AGBL4: variants seen among roughly 807,000 people sequenced by gnomAD.
The protein encoded by AGBL4 is AGBL carboxypeptidase 4.
In AGBL4, 58 loss-of-function variants were observed where a neutral mutation model predicts 66.4. The ratio of observed to expected loss-of-function variants is 0.87; its 90% CI spans 0.71 to 1.09. The LOEUF is 1.09. Among genes scored for constraint, AGBL4 ranks in the 50% least tolerant of loss-of-function variants. The pLI is 0.00. For missense variants in AGBL4, 579 were observed against 631.0 expected, an observed-to-expected ratio of 0.92 and a Z score of 0.88; for synonymous variants, 234 against 222.9, an observed-to-expected ratio of 1.05 and a Z score of -0.44.
intron 2 of AGBL4, among the ~76,000 whole-genome samples, chr1:49,810,599 G>GA (rs934768726): frequency 1.3e-5 from 2 of 151,752 alleles, no homozygotes; most frequent in Non-Finnish European, 2.9e-5. Context: ...GAATAATGAA[G>GA]AAAAAACAGC....
intron 3 of AGBL4, among the ~76,000 whole-genome samples, chr1:49,266,763 TG>T (rs1362452714): frequency 6.6e-6 from 1 of 151,960 alleles, no homozygotes; most frequent in Non-Finnish European, 1.5e-5. Flanking sequence ...AAAGGCTAAG[TG>T]GTAATTCTGG....
intron 3 of AGBL4, among the ~76,000 whole-genome samples, chr1:49,350,101 T>C (rs1340620651): frequency 6.6e-6 from 1 of 152,222 alleles, no homozygotes; most frequent in Admixed American, 6.5e-5. Flanking sequence ...ATTTGTTTTG[T>C]TTACTGATAT....
intron 3 of AGBL4, among the ~76,000 whole-genome samples, chr1:49,361,395 G>C (rs1404397063): frequency 6.6e-6 from 1 of 152,052 alleles, no homozygotes; most frequent in Non-Finnish European, 1.5e-5. Context: ...GGCACGATCT[G>C]GCTCACTGCA....
chr1:48,590,296 C>T (rs1400944046), intron 10 of AGBL4, among the ~76,000 whole-genome samples: 1 of 151,766 alleles, frequency 6.6e-6, no homozygotes, highest in Non-Finnish European at 1.5e-5. Context: ...ATCCCAGCTA[C>T]TCGGGAGGCT....
chr1:49,402,695 G>A (rs1645112562), intron 3 of AGBL4, among the ~76,000 whole-genome samples: 2 of 151,788 alleles, frequency 1.3e-5, no homozygotes, highest in Non-Finnish European at 2.9e-5. Context: ...AGCCTCCTGA[G>A]TAGCTGGGAT....
chr1:48,555,782 C>A (rs1218854172), intron 11 of AGBL4, among the ~76,000 whole-genome samples: 1 of 152,120 alleles, frequency 6.6e-6, no homozygotes, highest in African/African-American at 2.4e-5. Context: ...TGAGCTCAGG[C>A]ACTCTCAGGG....
intron 5 of AGBL4, among the ~76,000 whole-genome samples, chr1:49,038,647 G>A (rs1360227202): frequency 6.6e-6 from 1 of 152,016 alleles, no homozygotes; most frequent in Non-Finnish European, 1.5e-5. Flanking sequence ...AAACAACAAT[G>A]AGATACAGTA....
intron 3 of AGBL4, among the ~76,000 whole-genome samples, chr1:49,613,510 C>G (rs1410729641): frequency 6.6e-6 from 1 of 152,200 alleles, no homozygotes; most frequent in Non-Finnish European, 1.5e-5. Flanking sequence ...CTATCACTCA[C>G]ATTACTGCCT....
At chr1:49,238,286 G>A (rs893926114) in intron 4 of AGBL4, among the ~76,000 whole-genome samples, 37 of 152,118 alleles carry the variant, frequency 2.4e-4, no homozygotes, top group African/African-American at 6.7e-4. Context: ...CTCTCCTATC[G>A]TTCTGAAACT....
intron 3 of AGBL4, among the ~76,000 whole-genome samples, chr1:49,562,489 G>C (rs1558053955): frequency 6.6e-6 from 1 of 152,096 alleles, no homozygotes; most frequent in Non-Finnish European, 1.5e-5. Context: ...TTTTGTATAA[G>C]GTGTAAGGAA....
At chr1:48,903,242 A>T (rs1652262260) in intron 5 of AGBL4, among the ~76,000 whole-genome samples, 2 of 152,094 alleles carry the variant, frequency 1.3e-5, no homozygotes, top group African/African-American at 2.4e-5. Context: ...CTCGCCTCCA[A>T]GTCTGGTAAT....
intron 3 of AGBL4, among the ~76,000 whole-genome samples, chr1:49,291,964 A>C (rs1167823124): frequency 6.6e-6 from 1 of 152,236 alleles, no homozygotes; most frequent in East Asian, 1.9e-4. Flanking sequence ...CCTTGGGCAC[A>C]GCTGCAGCTG....
intron 6 of AGBL4, among the ~76,000 whole-genome samples, chr1:48,861,697 A>T (rs72891833): frequency 0.013 from 1,976 of 152,272 alleles, 41 homozygotes; most frequent in African/African-American, 0.043. Context: ...CCATAATGCA[A>T]CAACTATCAT....
At chr1:50,008,527 G>A (rs1449431268) in intron 1 of AGBL4, among the ~76,000 whole-genome samples, 1 of 151,898 alleles carries the variant, frequency 6.6e-6, no homozygotes, top group African/African-American at 2.4e-5. Flanking sequence ...GTACTAAGAG[G>A]AGAGTTTATT....
intron 2 of AGBL4, among the ~76,000 whole-genome samples, chr1:49,793,292 A>G: frequency 6.6e-6 from 1 of 151,984 alleles, no homozygotes; most frequent in East Asian, 1.9e-4. Flanking sequence ...TCAACTACAA[A>G]ATTAAGTTTA....
At chr1:48,870,217 CTAGGATCCTCAAG>C (rs1648512866) in intron 5 of AGBL4, among the ~76,000 whole-genome samples, 1 of 151,988 alleles carries the variant, frequency 6.6e-6, no homozygotes, top group South Asian at 2.1e-4. Context: ...GCCTATCTCA[CTAGGATCCTCAAG>C]TAGGATCCTA....
At chr1:49,808,600 G>A (rs902694087) in intron 2 of AGBL4, among the ~76,000 whole-genome samples, 4 of 151,980 alleles carry the variant, frequency 2.6e-5, no homozygotes, top group Admixed American at 2.6e-4. Context: ...TGAACATGAG[G>A]ACTTATAATT....
At chr1:49,750,760 T>C (rs1651392092) in intron 2 of AGBL4, among the ~76,000 whole-genome samples, 1 of 152,232 alleles carries the variant, frequency 6.6e-6, no homozygotes, top group Non-Finnish European at 1.5e-5. Flanking sequence ...CCTCTCTTAG[T>C]TCCTTGAGGA....
At chr1:49,653,913 T>A (rs1324972573) in intron 3 of AGBL4, among the ~76,000 whole-genome samples, 1 of 151,898 alleles carries the variant, frequency 6.6e-6, no homozygotes, top group Non-Finnish European at 1.5e-5. Context: ...GGATATCATC[T>A]AGGAGAACTT....
Sources: allele counts gnomAD v4.1 joint callset (sites outside exome capture counted in the v4.1 genomes callset), GRCh38; gene constraint gnomAD v4.1.1; transcripts MANE v1.5; gene names NCBI Gene and HGNC (gene_info 2026-07-23, HGNC 2026-07-21).